The following SORL1 variants were observed in gnomAD, a reference collection of about 807,000 sequenced individuals.
The protein encoded by SORL1 is sortilin related receptor 1, also known as sortilin-related receptor.
SORL1 carries 127 observed loss-of-function variants against 273.7 expected under a neutral mutation model. The ratio of observed to expected loss-of-function variants is 0.46; its 90% CI spans 0.40 to 0.54. The LOEUF is 0.54. Among genes scored for constraint, SORL1 ranks in the 20% least tolerant of loss-of-function variants. The pLI is 0.00. For missense variants in SORL1, 2,494 were observed against 2,846.1 expected (o/e 0.88, Z 2.81); for synonymous variants, 1,031 against 1,067.4 (o/e 0.97, Z 0.66).
intron 1 of SORL1, among the ~76,000 whole-genome samples, chr11:121,458,945 T>G (rs1457313075): frequency 6.6e-6 from 1 of 152,184 alleles, no homozygotes; most frequent in Admixed American, 6.5e-5. Context: ...TGTTAAAAAA[T>G]AATTACAAAG....
chr11:121,564,483 G>A lies in SORL1; in HGVS notation c.3050-2457G>A, dbSNP rs111854596. 6.4e-3 allele frequency among the ~76,000 whole-genome samples: 978 copies of A among 152,248 alleles called. 8 individuals are homozygous for A. Among genetic ancestry groups the A allele is most frequent in the African/African-American group, 0.022 (924 of 41,552 alleles). On this transcript the variant is annotated intron_variant, in intron 21 of 47. Transcript: ENST00000260197. ...TTGTTTGGATAGGAATATTTGCTCTGCATATGAAAAGGTTAGTGAAATGAT... is the reference window on the plus strand; with the variant it reads ...TTGTTTGGATAGGAATATTTGCTCTACATATGAAAAGGTTAGTGAAATGAT...
intron 25 of SORL1, among the ~76,000 whole-genome samples, chr11:121,580,578 T>C (rs2134942167): frequency 6.6e-6 from 1 of 151,722 alleles, no homozygotes; most frequent in East Asian, 1.9e-4. Flanking sequence ...ATTGTGATGA[T>C]AGTCATTTTT....
At chr11:121,497,332 G>C (rs1236432376) in intron 6 of SORL1, among the ~76,000 whole-genome samples, 1 of 152,182 alleles carries the variant, frequency 6.6e-6, no homozygotes, top group Non-Finnish European at 1.5e-5. Flanking sequence ...CCTTGACAAA[G>C]ACGTATTTCT....
intron 22 of SORL1, 25 bp downstream of exon 22, chr11:121,567,138 T>C (rs1565338901): frequency 6.3e-7 from 1 of 1,591,838 alleles, no homozygotes; most frequent in Non-Finnish European, 8.6e-7. Context: ...CTTTTTTGCC[T>C]GTCATCCTCC....
chr11:121,580,211 A>G (rs1862992608), intron 25 of SORL1, among the ~76,000 whole-genome samples: 1 of 152,210 alleles, frequency 6.6e-6, no homozygotes, highest in Non-Finnish European at 1.5e-5. Context: ...CTAACTCTTC[A>G]ACTATACCTG....
At chr11:121,499,575 G>A (rs1861680466) in intron 6 of SORL1, among the ~76,000 whole-genome samples, 1 of 152,198 alleles carries the variant, frequency 6.6e-6, no homozygotes, top group Admixed American at 6.5e-5. Context: ...TTTCTCAAGG[G>A]ATGGATTGAT....
At position 121,614,944 on chromosome 11, in the gene SORL1, G is replaced by A. The variant is rs1303118418; in HGVS notation, c.5493G>A (p.Leu1831=). Residue 1831 remains leucine, a synonymous_variant, in exon 41 of 48, where the codon CTG becomes CTA. Coordinates refer to ENST00000260197, the MANE Select transcript of SORL1 (RefSeq NM_003105.6). ...WAKTDLGDSP[L]AFEHVMTRGV... ...AGACTGACTTGGGGGATAGCCCTCTGGCATTTGAGCATGTTATGACCAGAG... is the reference window on the plus strand; with the variant it reads ...AGACTGACTTGGGGGATAGCCCTCTAGCATTTGAGCATGTTATGACCAGAG... 1 of 1,613,532 alleles carries A rather than the reference G, an allele frequency of 6.2e-7. No homozygotes were observed. Among genetic ancestry groups the A allele is most frequent in the African/African-American group, 1.3e-5 (1 of 74,996 alleles).
intron 26 of SORL1, 32 bp from the exon 27 acceptor site, chr11:121,586,190 T>A (rs955547039): frequency 6.5e-7 from 1 of 1,549,048 alleles, no homozygotes; most frequent in Non-Finnish European, 8.9e-7. Context: ...TTCCTCCTCG[T>A]CATTCTTCTG....
chr11:121,597,337 T>G (rs923380842), intron 32 of SORL1, among the ~76,000 whole-genome samples: 1 of 152,208 alleles, frequency 6.6e-6, no homozygotes, highest in Non-Finnish European at 1.5e-5. Flanking sequence ...AAATTTTTGT[T>G]GATCATGCAC....
rs532370288 is a variant in SORL1 at position 121,463,768 on chromosome 11, G to A, written c.286-6239G>A. Among the ~76,000 whole-genome samples the A allele has an allele frequency of 7.9e-5, 12 of 152,310 alleles. 1 individual carries two copies. The South Asian group carries it at 2.3e-3, about 29-fold the overall frequency. On this transcript the variant is annotated intron_variant, in intron 1 of 47. Transcript: ENST00000260197. Reference sequence around the variant, plus strand: ...TCCATGAACTGGGCCTCTCTTCCGGGAGTGCTCGTAAACTAGATTTCAGCT... The same window carrying A: ...TCCATGAACTGGGCCTCTCTTCCGGAAGTGCTCGTAAACTAGATTTCAGCT...
chr11:121,469,498 T>C (rs180735874), intron 1 of SORL1, among the ~76,000 whole-genome samples: 9 of 152,364 alleles, frequency 5.9e-5, no homozygotes, highest in Admixed American at 3.3e-4. Flanking sequence ...TTTGAAAAGC[T>C]TCACAATGAT....
At chr11:121,612,654 G>C (rs1863583773) in intron 39 of SORL1, 82 bp from the exon 40 acceptor site, 1 of 987,874 alleles carries the variant, frequency 1.0e-6, no homozygotes, top group East Asian at 2.5e-5. Flanking sequence ...ACAGGAAAGA[G>C]GTGTATTTTT....
intron 2 of SORL1, among the ~76,000 whole-genome samples, chr11:121,474,353 G>A (rs564468554): frequency 1.3e-5 from 2 of 151,992 alleles, no homozygotes; most frequent in South Asian, 4.1e-4. Context: ...CGGAGAGGGG[G>A]CAGTCTGTGG....
At chr11:121,574,918 T>C (rs1164961079) in intron 24 of SORL1, among the ~76,000 whole-genome samples, 1 of 152,136 alleles carries the variant, frequency 6.6e-6, no homozygotes, top group Non-Finnish European at 1.5e-5. Context: ...ATTAGCCTGC[T>C]GAAGACACAA....
chr11:121,513,227 TC>T, intron 7 of SORL1, 123 bp downstream of exon 7: 1 of 750,888 alleles, frequency 1.3e-6, no homozygotes, highest in Non-Finnish European at 2.4e-6. Flanking sequence ...TGAAGTCAGG[TC>T]TCTAGAGAGT....
chr11:121,471,974 C>T (rs1861176967), intron 2 of SORL1, among the ~76,000 whole-genome samples: 1 of 152,182 alleles, frequency 6.6e-6, no homozygotes, highest in Non-Finnish European at 1.5e-5. Flanking sequence ...CCACCACAGA[C>T]AGCTGTGTCT....
At chr11:121,624,935 T>C (rs968134633) in intron 45 of SORL1, 150 bp from the exon 46 acceptor site, 10 of 535,588 alleles carry the variant, frequency 1.9e-5, no homozygotes, top group Non-Finnish European at 3.3e-5. Context: ...AGTATCTCAG[T>C]GGTAATGTAA....
At chr11:121,538,341 A>G (rs1401061877) in intron 12 of SORL1, among the ~76,000 whole-genome samples, 2 of 151,646 alleles carry the variant, frequency 1.3e-5, no homozygotes, top group East Asian at 1.9e-4. Flanking sequence ...AGTGCTCTCC[A>G]CCCCCAAACC....
chr11:121,612,430 T>C (rs1863579475), intron 39 of SORL1: 1 of 234,158 alleles, frequency 4.3e-6, no homozygotes, highest in Non-Finnish European at 8.6e-6. Context: ...CTTTCCAGTG[T>C]TTCCTCTTTC....
Sources: allele counts gnomAD v4.1 joint callset (sites outside exome capture counted in the v4.1 genomes callset), GRCh38; gene constraint gnomAD v4.1.1; transcripts MANE v1.5; gene names NCBI Gene and HGNC (gene_info 2026-07-23, HGNC 2026-07-21).